ERBB4: variants seen among roughly 807,000 people sequenced by gnomAD.
ERBB4 encodes the protein erb-b2 receptor tyrosine kinase 4, also known as receptor tyrosine-protein kinase erbB-4.
ERBB4 carries 42 observed loss-of-function variants against 158.0 expected under a neutral mutation model. The ratio of observed to expected loss-of-function variants is 0.27; its 90% CI spans 0.21 to 0.34. The LOEUF is 0.34. Ranked by LOEUF, ERBB4 falls within the 10% of genes least tolerant of loss-of-function variation. ERBB4 has a pLI of 1.00. For missense variants in ERBB4, 1,333 were observed against 1,624.1 expected (o/e 0.82, Z 3.08); for synonymous variants, 583 against 558.7 (o/e 1.04, Z -0.61).
intron 1 of ERBB4, among the ~76,000 whole-genome samples, chr2:212,259,500 C>T (rs1425996114): frequency 6.7e-6 from 1 of 148,876 alleles, no homozygotes; most frequent in Non-Finnish European, 1.5e-5. Flanking sequence ...GAAACAAGGA[C>T]ACAAGTACGG....
At chr2:211,421,106 A>G (rs1326705711) in intron 24 of ERBB4, among the ~76,000 whole-genome samples, 1 of 152,016 alleles carries the variant, frequency 6.6e-6, no homozygotes, top group Non-Finnish European at 1.5e-5. Flanking sequence ...CAAGTGGCAA[A>G]TAGAGTAAAG....
chr2:211,647,547 A>G (rs2070820897), intron 16 of ERBB4, among the ~76,000 whole-genome samples: 1 of 151,560 alleles, frequency 6.6e-6, no homozygotes, highest in Non-Finnish European at 1.5e-5. Flanking sequence ...TGTTACCCCC[A>G]TCCATCCAAC....
At chr2:211,773,635 T>TATATA (rs1553630531) in intron 4 of ERBB4, among the ~76,000 whole-genome samples, 7 of 101,074 alleles carry the variant, frequency 6.9e-5, no homozygotes, top group African/African-American at 2.7e-4. Context: ...TATATATATA[T>TATATA]ATATATATAT....
At chr2:211,644,512 C>A (rs988858369) in intron 16 of ERBB4, among the ~76,000 whole-genome samples, 2 of 151,878 alleles carry the variant, frequency 1.3e-5, no homozygotes, top group Admixed American at 1.3e-4. Context: ...AATGCCAAGA[C>A]AACTTTATAC....
chr2:211,911,994 G>A (rs2125056870), intron 3 of ERBB4, among the ~76,000 whole-genome samples: 1 of 152,182 alleles, frequency 6.6e-6, no homozygotes, highest in East Asian at 1.9e-4. Context: ...AAACACACCA[G>A]CCACAGATAA....
chr2:211,415,202 C>T lies in ERBB4; in HGVS notation c.3135+5239G>A, dbSNP rs565495184. On this transcript the variant is annotated intron_variant, in intron 25 of 27. Transcript: ENST00000342788. ...CGCGACCTCGGCTCACTGCAAGCTC[C>T]GCCTCCCGGGTTCACGCCATTCTCC... Among the ~76,000 whole-genome samples the T allele has an allele frequency of 3.3e-3, 494 of 147,696 alleles. 1 individual carries two copies. Among genetic ancestry groups the T allele is most frequent in the Non-Finnish European group, 5.5e-3 (371 of 67,222 alleles).
chr2:212,176,615 G>T (rs535988902), intron 1 of ERBB4, among the ~76,000 whole-genome samples: 14 of 151,908 alleles, frequency 9.2e-5, no homozygotes, highest in African/African-American at 3.4e-4. Flanking sequence ...AAAATATTAT[G>T]TCTCCCTTTT....
intron 2 of ERBB4, among the ~76,000 whole-genome samples, chr2:212,061,544 A>G (rs2077768313): frequency 6.8e-6 from 1 of 146,974 alleles, no homozygotes. Context: ...TCTGGCATTC[A>G]TTACACTTCA....
At chr2:212,123,352 GA>G (rs2079817943) in intron 2 of ERBB4, among the ~76,000 whole-genome samples, 1 of 152,108 alleles carries the variant, frequency 6.6e-6, no homozygotes, top group Admixed American at 6.6e-5. Flanking sequence ...GCAATGAGCC[GA>G]TATCACACCA....
chr2:212,473,940 G>C (rs6435706), intron 1 of ERBB4, among the ~76,000 whole-genome samples: 10,653 of 151,774 alleles, frequency 0.07, 864 homozygotes, highest in African/African-American at 0.2. Context: ...ATCCTGAATA[G>C]GAAAAAAGGT....
intron 3 of ERBB4, among the ~76,000 whole-genome samples, chr2:211,861,785 G>A (rs12992022): frequency 0.21 from 31,582 of 151,922 alleles, 3,426 homozygotes; most frequent in South Asian, 0.32. Flanking sequence ...ACAACTCAGT[G>A]GATGAAATGA....
rs1326473360 is a variant in ERBB4 at position 211,696,363 on chromosome 2, G to A, written c.1489+5604C>T. Among the ~76,000 whole-genome samples, 6 of 151,404 alleles carry A rather than the reference G, an allele frequency of 4.0e-5. No individual in the cohort carries two copies. In the South Asian group the frequency reaches 6.3e-4, roughly 16 times the overall value. On this transcript the variant is annotated intron_variant, in intron 12 of 27. Coordinates refer to ENST00000342788, the MANE Select transcript of ERBB4 (RefSeq NM_005235.3). Reference sequence around the variant, plus strand: ...TGACTGCAGGTGATCTGCCCACCTCGGCCTCCCAAAGTGCTAGGATTACAG... The same window carrying A: ...TGACTGCAGGTGATCTGCCCACCTCAGCCTCCCAAAGTGCTAGGATTACAG...
chr2:211,831,763 C>T (rs1035989937), intron 3 of ERBB4, among the ~76,000 whole-genome samples: 1 of 151,824 alleles, frequency 6.6e-6, no homozygotes, highest in African/African-American at 2.4e-5. Flanking sequence ...ATTAGCCAGG[C>T]GTGGCAGCAG....
At chr2:211,957,970 T>C (rs1007361206) in intron 2 of ERBB4, among the ~76,000 whole-genome samples, 6 of 152,210 alleles carry the variant, frequency 3.9e-5, no homozygotes, top group Admixed American at 1.3e-4. Context: ...GAAAAGCATA[T>C]GGGAAATACC....
At chr2:212,150,949 A>G (rs1159280393) in intron 1 of ERBB4, among the ~76,000 whole-genome samples, 4 of 152,154 alleles carry the variant, frequency 2.6e-5, no homozygotes, top group Non-Finnish European at 5.9e-5. Context: ...TGACAGTAAT[A>G]CTGGCCATAA....
At chr2:212,196,554 T>C (rs1436021140) in intron 1 of ERBB4, among the ~76,000 whole-genome samples, 1 of 152,130 alleles carries the variant, frequency 6.6e-6, no homozygotes, top group African/African-American at 2.4e-5. Context: ...CTGTAATTTA[T>C]AATAGTAAAG....
intron 3 of ERBB4, among the ~76,000 whole-genome samples, chr2:211,906,405 A>T (rs1010658194): frequency 6.6e-6 from 1 of 152,172 alleles, no homozygotes; most frequent in East Asian, 1.9e-4. Context: ...CGAACTATAG[A>T]GGAAGCATGT....
At chr2:212,375,087 A>C (rs558518292) in intron 1 of ERBB4, among the ~76,000 whole-genome samples, 4 of 152,074 alleles carry the variant, frequency 2.6e-5, no homozygotes, top group African/African-American at 9.6e-5. Context: ...TTATTAACTT[A>C]CTCTAAATAA....
At chr2:212,443,536 T>C (rs902239402) in intron 1 of ERBB4, among the ~76,000 whole-genome samples, 10 of 152,202 alleles carry the variant, frequency 6.6e-5, no homozygotes, top group African/African-American at 2.4e-4. Flanking sequence ...TATATGGATT[T>C]TGGAGGCAAC....
Sources: allele counts gnomAD v4.1 joint callset (sites outside exome capture counted in the v4.1 genomes callset), GRCh38; gene constraint gnomAD v4.1.1; transcripts MANE v1.5; gene names NCBI Gene and HGNC (gene_info 2026-07-23, HGNC 2026-07-21).